Variants in PSME4 observed in about 807,000 individuals in gnomAD.
The protein encoded by PSME4 is proteasome activator complex subunit 4.
PSME4 carries 89 observed loss-of-function variants against 253.9 expected under a neutral mutation model. The observed-to-expected ratio is 0.35, with a 90% CI of 0.30 to 0.42. The LOEUF is 0.42. Ranked by LOEUF, PSME4 falls within the 10% of genes least tolerant of loss-of-function variation. The pLI is 1.00. For missense variants in PSME4, 2,014 were observed against 2,195.2 expected, an observed-to-expected ratio of 0.92 and a Z score of 1.65; for synonymous variants, 851 against 759.2, an observed-to-expected ratio of 1.12 and a Z score of -1.99.
chr2:53,892,184 T>C (rs1393418832), intron 36 of PSME4, among the ~76,000 whole-genome samples: 1 of 152,198 alleles, frequency 6.6e-6, no homozygotes, highest in Non-Finnish European at 1.5e-5. Context: ...TCCTAAAAGG[T>C]GACCAAAAAA....
intron 41 of PSME4, among the ~76,000 whole-genome samples, chr2:53,876,190 G>C (rs753705065): frequency 2.6e-5 from 4 of 152,094 alleles, no homozygotes; most frequent in Non-Finnish European, 5.9e-5. Flanking sequence ...TTTGAAATCA[G>C]GTTTAAGGTA....
At chr2:53,960,748 G>C (rs1044448438) in intron 1 of PSME4, among the ~76,000 whole-genome samples, 3 of 152,122 alleles carry the variant, frequency 2.0e-5, no homozygotes, top group Non-Finnish European at 2.9e-5. Context: ...TTCTTCAGTG[G>C]GGCTCTGGGT....
chr2:53,959,326 C>T (rs1194906778), intron 1 of PSME4, among the ~76,000 whole-genome samples: 1 of 151,970 alleles, frequency 6.6e-6, no homozygotes, highest in Non-Finnish European at 1.5e-5. Flanking sequence ...GACCATGCCA[C>T]TGTACTACAG....
At chr2:53,869,017 T>C (rs1678741957) in intron 44 of PSME4, among the ~76,000 whole-genome samples, 1 of 152,208 alleles carries the variant, frequency 6.6e-6, no homozygotes, top group Non-Finnish European at 1.5e-5. Flanking sequence ...TTTAGTTTTT[T>C]CTGTTAGTAC....
At chr2:53,877,711 C>T (rs183985725) in intron 41 of PSME4, among the ~76,000 whole-genome samples, 2 of 152,098 alleles carry the variant, frequency 1.3e-5, no homozygotes, top group East Asian at 3.9e-4. Flanking sequence ...ACAGACAGGC[C>T]AAAGACAGAG....
At chr2:53,964,553 G>C (rs1249410454) in intron 1 of PSME4, among the ~76,000 whole-genome samples, 1 of 152,130 alleles carries the variant, frequency 6.6e-6, no homozygotes, top group African/African-American at 2.4e-5. Flanking sequence ...TCACTGATGA[G>C]TTTGGTAACT....
intron 3 of PSME4, among the ~76,000 whole-genome samples, chr2:53,943,493 T>C (rs1259616609): frequency 6.6e-6 from 1 of 152,182 alleles, no homozygotes; most frequent in Non-Finnish European, 1.5e-5. Context: ...TAAGTAGTCA[T>C]TTTTCATTGC....
At chr2:53,882,127 T>C (rs530768206) in intron 41 of PSME4, among the ~76,000 whole-genome samples, 2 of 152,242 alleles carry the variant, frequency 1.3e-5, no homozygotes, top group East Asian at 1.9e-4. Context: ...GAACAGCCAA[T>C]GTACCATATG....
intron 1 of PSME4, among the ~76,000 whole-genome samples, chr2:53,957,184 T>A (rs1431856378): frequency 1.3e-5 from 2 of 152,180 alleles, no homozygotes; most frequent in Non-Finnish European, 2.9e-5. Context: ...CCCAAACTTT[T>A]TGGCACTTAA....
intron 21 of PSME4, among the ~76,000 whole-genome samples, chr2:53,909,632 C>T (rs1469927261): frequency 6.6e-6 from 1 of 151,936 alleles, no homozygotes; most frequent in Non-Finnish European, 1.5e-5. Context: ...TTTCATATAT[C>T]AAAAAAGAGA....
In PSME4 at chr2:53,961,861, C is replaced by T. The variant is rs529751797; in HGVS notation, c.242+8682G>A. 3.8e-4 allele frequency among the ~76,000 whole-genome samples: 58 copies of T among 152,284 alleles called. 1 individual carries two copies. Among genetic ancestry groups the T allele is most frequent in the African/African-American group, 4.6e-4 (19 of 41,556 alleles). On this transcript the variant is annotated intron_variant, in intron 1 of 46. Coordinates refer to ENST00000404125, the MANE Select transcript of PSME4 (RefSeq NM_014614.3). ...AAAGGAGACAGGGTCATTTATAACC[C>T]GAAGCGTCCACCCTACTGTTGTGTC...
intron 20 of PSME4, among the ~76,000 whole-genome samples, chr2:53,911,713 A>C (rs1406210901): frequency 6.6e-6 from 1 of 152,156 alleles, no homozygotes; most frequent in East Asian, 1.9e-4. Flanking sequence ...TCTGCAGCTT[A>C]TGCAGTCTGT....
intron 20 of PSME4, among the ~76,000 whole-genome samples, chr2:53,911,449 T>C (rs1667824249): frequency 6.6e-6 from 1 of 152,204 alleles, no homozygotes; most frequent in African/African-American, 2.4e-5. Flanking sequence ...AAAATATGTA[T>C]GTATCCAAAA....
chr2:53,924,022 T>C (rs1002549794), intron 14 of PSME4, among the ~76,000 whole-genome samples: 1 of 151,938 alleles, frequency 6.6e-6, no homozygotes, highest in Non-Finnish European at 1.5e-5. Context: ...GCAATTTAAT[T>C]GTCTTTCTGG....
intron 20 of PSME4, among the ~76,000 whole-genome samples, chr2:53,912,081 G>T (rs1312123706): frequency 6.6e-6 from 1 of 152,040 alleles, no homozygotes; most frequent in Non-Finnish European, 1.5e-5. Flanking sequence ...TTAAAACTTG[G>T]ATTAAAATAC....
intron 1 of PSME4, among the ~76,000 whole-genome samples, chr2:53,955,438 A>G (rs1381116007): frequency 2.0e-5 from 3 of 152,196 alleles, no homozygotes; most frequent in Admixed American, 6.6e-5. Flanking sequence ...GTGGCCCAAG[A>G]CAATTCTTCC....
In PSME4 at chr2:53,937,474, A is replaced by G; in HGVS notation, c.612T>C (p.Asp204=). 1 of 1,611,054 alleles carries G rather than the reference A, an allele frequency of 6.2e-7. No homozygotes were observed. Among genetic ancestry groups the G allele is most frequent in the Non-Finnish European group, 8.5e-7 (1 of 1,177,708 alleles). ...EEWRPLMCPF[D]VTMQKAITYF... is the part of the protein sequence containing the mutation. ...AAGTGATGGCCTTTTGCATGGTTAC[A>G]TCAAAAGGGCACATTAAAGGTCGCC... Residue 204 remains aspartate, a synonymous_variant, in exon 5 of 47, where the codon GAT becomes GAC. Transcript: ENST00000404125.
intron 13 of PSME4, 98 bp from the exon 14 acceptor site, chr2:53,925,787 T>A (rs1409808111): frequency 7.5e-7 from 1 of 1,331,192 alleles, no homozygotes; most frequent in Admixed American, 2.0e-5. Flanking sequence ...ATTATTCAAG[T>A]GATAGCTACT....
At chr2:53,930,562 A>T (rs1334056286) in intron 10 of PSME4, among the ~76,000 whole-genome samples, 1 of 152,188 alleles carries the variant, frequency 6.6e-6, no homozygotes, top group African/African-American at 2.4e-5. Flanking sequence ...ATGCCCCAAG[A>T]TGTATATGTA....
Sources: allele counts gnomAD v4.1 joint callset (sites outside exome capture counted in the v4.1 genomes callset), GRCh38; gene constraint gnomAD v4.1.1; transcripts MANE v1.5; gene names NCBI Gene and HGNC (gene_info 2026-07-23, HGNC 2026-07-21).